TAFA2: variants seen among roughly 807,000 people sequenced by gnomAD.
The protein encoded by TAFA2 is TAFA chemokine like family member 2, also known as chemokine-like protein TAFA-2.
A neutral mutation model predicts 18.8 loss-of-function variants in TAFA2; 7 were observed. That is an observed-to-expected ratio of 0.37 (90% confidence interval 0.21 to 0.70). TAFA2 has a LOEUF of 0.70. TAFA2 is among the 30% of genes least tolerant of loss of function. The pLI is 0.53. For synonymous variants in TAFA2, 60 were observed against 54.2 expected, an observed-to-expected ratio of 1.11 and a Z score of -0.47; for missense variants, 122 against 158.1, an observed-to-expected ratio of 0.77 and a Z score of 1.23.
chr12:62,013,443 T>C (rs1880832528), intron 1 of TAFA2, among the ~76,000 whole-genome samples: 1 of 152,196 alleles, frequency 6.6e-6, no homozygotes. Context: ...TTCCCACTGC[T>C]AATGGGTGCC....
At chr12:61,820,867 A>T (rs935206239) in intron 2 of TAFA2, among the ~76,000 whole-genome samples, 10 of 152,024 alleles carry the variant, frequency 6.6e-5, no homozygotes, top group African/African-American at 2.2e-4. Context: ...AATTGTTTTA[A>T]CAAAGAAATA....
At chr12:61,713,485 T>C (rs995566568) in intron 4 of TAFA2, among the ~76,000 whole-genome samples, 1 of 152,112 alleles carries the variant, frequency 6.6e-6, no homozygotes, top group Non-Finnish European at 1.5e-5. Context: ...ATTGAAGGAA[T>C]TAAAGCCTAA....
chr12:62,106,080 C>A (rs1869436070), intron 1 of TAFA2, among the ~76,000 whole-genome samples: 1 of 152,090 alleles, frequency 6.6e-6, no homozygotes, highest in South Asian at 2.1e-4. Flanking sequence ...CGCCTGTAAT[C>A]CCAGCACTTA....
chr12:62,199,304 C>T (rs925958867), intron 1 of TAFA2, among the ~76,000 whole-genome samples: 7 of 152,162 alleles, frequency 4.6e-5, no homozygotes, highest in South Asian at 2.1e-4. Flanking sequence ...CAACCCATCA[C>T]CTGGGTATTA....
intron 4 of TAFA2, among the ~76,000 whole-genome samples, chr12:61,744,431 G>T (rs1174395005): frequency 6.6e-6 from 1 of 152,056 alleles, no homozygotes; most frequent in Non-Finnish European, 1.5e-5. Flanking sequence ...CATAGAGCCG[G>T]ATGATATATT....
chr12:62,146,923 G>T (rs2062285617), intron 1 of TAFA2, among the ~76,000 whole-genome samples: 1 of 151,668 alleles, frequency 6.6e-6, no homozygotes, highest in Non-Finnish European at 1.5e-5. Flanking sequence ...GTAAAGTTTG[G>T]GTCCTTTATT....
rs538737459 is a variant in TAFA2 at position 61,916,219 on chromosome 12, G to C, written c.-1-48793C>G. Among the ~76,000 whole-genome samples the C allele has an allele frequency of 3.9e-5, 6 of 152,298 alleles. No homozygotes were observed. The South Asian group carries it at 1.2e-3, about 32-fold the overall frequency. On this transcript the variant is annotated intron_variant, in intron 1 of 4. Transcript: ENST00000416284. ...ATTAAGAAGAGAATATATGTAATAA[G>C]AGCTAAGAAATAATTCTTGGGGTCT...
chr12:61,836,756 T>TATATAC lies in TAFA2; in HGVS notation c.106+30563_106+30564insGTATAT, dbSNP rs68158949. Among the ~76,000 whole-genome samples the TATATAC allele has an allele frequency of 2.7e-4, 32 of 119,782 alleles. 1 individual carries two copies. Among genetic ancestry groups the TATATAC allele is most frequent in the Admixed American group, 7.6e-4 (8 of 10,554 alleles). 78.6% of individuals were successfully genotyped at this position (119,782 alleles called of 152,430 possible). A position where few individuals can be genotyped will look rare whatever the true frequency, so the allele number is the denominator to read the frequency against. ...TGATATATATATATATATATATATA[T>TATATAC]ACACACACACACACAAATACATATA... On this transcript the variant is annotated intron_variant, in intron 2 of 4. Coordinates refer to ENST00000416284, the MANE Select transcript of TAFA2 (RefSeq NM_178539.5).
intron 1 of TAFA2, among the ~76,000 whole-genome samples, chr12:62,066,495 C>G (rs769648304): frequency 1.3e-5 from 2 of 151,966 alleles, no homozygotes; most frequent in Non-Finnish European, 2.9e-5. Context: ...TCCTTCTACT[C>G]TCTATTTCAA....
chr12:61,848,349 G>C (rs1444927982), intron 2 of TAFA2, among the ~76,000 whole-genome samples: 1 of 152,072 alleles, frequency 6.6e-6, no homozygotes, highest in East Asian at 1.9e-4. Flanking sequence ...CTGTGTATAG[G>C]AATTTGTATT....
At chr12:62,247,118 GCTTAATTTA>G (rs2062890508) in intron 1 of TAFA2, among the ~76,000 whole-genome samples, 1 of 151,840 alleles carries the variant, frequency 6.6e-6, no homozygotes. Flanking sequence ...ATATTAGATT[GCTTAATTTA>G]CTGTATTATT....
intron 1 of TAFA2, among the ~76,000 whole-genome samples, chr12:62,038,545 C>T (rs1434276331): frequency 6.6e-6 from 1 of 152,004 alleles, no homozygotes; most frequent in Admixed American, 6.6e-5. Context: ...AGGTTACATG[C>T]AAATTATACA....
intron 1 of TAFA2, among the ~76,000 whole-genome samples, chr12:61,989,622 G>C (rs777952307): frequency 2.2e-4 from 34 of 152,250 alleles, no homozygotes; most frequent in Non-Finnish European, 3.8e-4. Flanking sequence ...GTTTTAGAAG[G>C]TGCACATGAG....
At chr12:61,983,099 G>T (rs1879694327) in intron 1 of TAFA2, among the ~76,000 whole-genome samples, 2 of 152,108 alleles carry the variant, frequency 1.3e-5, no homozygotes, top group African/African-American at 4.8e-5. Context: ...GGTTTAAAAA[G>T]ATTCAGCAAT....
intron 4 of TAFA2, among the ~76,000 whole-genome samples, chr12:61,710,889 A>T (rs185647884): frequency 3.4e-4 from 52 of 152,218 alleles, no homozygotes; most frequent in Admixed American, 7.2e-4. Flanking sequence ...GAAATAGTTT[A>T]AAAATTGAGG....
chr12:62,218,260 G>T (rs1479686390), intron 1 of TAFA2, among the ~76,000 whole-genome samples: 1 of 152,028 alleles, frequency 6.6e-6, no homozygotes, highest in African/African-American at 2.4e-5. Context: ...GCCTCCCAAA[G>T]TGCTGGGATT....
intron 1 of TAFA2, among the ~76,000 whole-genome samples, chr12:62,060,705 C>T (rs1882323972): frequency 6.6e-6 from 1 of 152,126 alleles, no homozygotes; most frequent in East Asian, 1.9e-4. Context: ...GAAGACCTTC[C>T]AGTGGGACAA....
At chr12:62,050,550 C>T (rs1047589805) in intron 1 of TAFA2, among the ~76,000 whole-genome samples, 6 of 150,446 alleles carry the variant, frequency 4.0e-5, no homozygotes, top group Admixed American at 6.6e-5. Flanking sequence ...CCAGCCTGGG[C>T]GACAGAGTGA....
chr12:62,079,290 A>C (rs1868284406), intron 1 of TAFA2, among the ~76,000 whole-genome samples: 1 of 152,112 alleles, frequency 6.6e-6, no homozygotes, highest in Admixed American at 6.6e-5. Flanking sequence ...ATATTTTATC[A>C]ATTAATTGCA....
Sources: allele counts gnomAD v4.1 joint callset (sites outside exome capture counted in the v4.1 genomes callset), GRCh38; gene constraint gnomAD v4.1.1; transcripts MANE v1.5; gene names NCBI Gene and HGNC (gene_info 2026-07-23, HGNC 2026-07-21).